The following ZNF682 variants were observed in gnomAD, a reference collection of about 807,000 sequenced individuals.
ZNF682 encodes the protein zinc finger protein 682.
A neutral mutation model predicts 36.5 loss-of-function variants in ZNF682; 29 were observed. The ratio of observed to expected loss-of-function variants is 0.80; its 90% CI spans 0.59 to 1.08. The LOEUF is 1.08. ZNF682 is among the 50% of genes least tolerant of loss of function. ZNF682 has a pLI of 0.00. For synonymous variants in ZNF682, 180 were observed against 197.0 expected, an observed-to-expected ratio of 0.91 and a Z score of 0.72; for missense variants, 561 against 579.7, an observed-to-expected ratio of 0.97 and a Z score of 0.33.
chr19:20,003,842 G>A (rs568778588), downstream of ZNF682, among the ~76,000 whole-genome samples: 3 of 152,132 alleles, frequency 2.0e-5, no homozygotes, highest in Non-Finnish European at 4.4e-5. Context: ...GGGAAAAATA[G>A]ATTTGCTTTG....
Position 20,005,612 on chromosome 19 carries a change from A to G in ZNF682, c.*393T>C, listed in dbSNP as rs980574001. 1 of 176,474 alleles carries G rather than the reference A, an allele frequency of 5.7e-6. No individual in the cohort carries two copies. Among genetic ancestry groups the G allele is most frequent in the African/African-American group, 2.4e-5 (1 of 41,950 alleles). The allele number at this position is 176,474 out of a possible 1,614,324, so 10.9% of individuals were successfully genotyped here. ...AACTCTTGTGTACTCTAAGGCTTAT[A>G]TTTTTGAAGTCTTTCCATGTACAAA... On this transcript the variant is annotated 3_prime_UTR_variant, in exon 4 of 4. Coordinates refer to ENST00000397165, the MANE Select transcript of ZNF682 (RefSeq NM_033196.3).
At chr19:20,029,762 A>T (rs1320917979) in intron 1 of ZNF682, among the ~76,000 whole-genome samples, 1 of 152,104 alleles carries the variant, frequency 6.6e-6, no homozygotes, top group Non-Finnish European at 1.5e-5. Context: ...CAACTGCTGG[A>T]TATGCAGGAA....
At chr19:20,000,498 AC>A (rs1424671030), downstream of ZNF682, among the ~76,000 whole-genome samples, 3 of 151,128 alleles carry the variant, frequency 2.0e-5, no homozygotes, top group Non-Finnish European at 2.9e-5. Context: ...GCCCCACACC[AC>A]CCCCCACTGC....
intron 1 of ZNF682, among the ~76,000 whole-genome samples, chr19:20,028,511 C>A (rs983165516): frequency 1.3e-5 from 2 of 152,150 alleles, no homozygotes; most frequent in East Asian, 3.9e-4. Context: ...CGTGCCCAGT[C>A]AATTCTGCAG....
chr19:20,017,720 T>A (rs772317668), intron 3 of ZNF682, among the ~76,000 whole-genome samples: 38 of 152,078 alleles, frequency 2.5e-4, no homozygotes, highest in Non-Finnish European at 4.7e-4. Flanking sequence ...AAGAGACACA[T>A]ACAGAACGTT....
At chr19:20,013,764 G>A (rs1351844775) in intron 3 of ZNF682, among the ~76,000 whole-genome samples, 2 of 152,252 alleles carry the variant, frequency 1.3e-5, no homozygotes, top group East Asian at 3.9e-4. Flanking sequence ...ATTGTTAGTA[G>A]AGATGGGGTC....
downstream of ZNF682, among the ~76,000 whole-genome samples, chr19:20,001,352 A>C (rs1428241850): frequency 2.0e-5 from 3 of 152,174 alleles, no homozygotes; most frequent in African/African-American, 7.2e-5. Context: ...GTGCTGTACC[A>C]AAAAAGGGGG....
downstream of ZNF682, among the ~76,000 whole-genome samples, chr19:20,003,359 T>G (rs1178173197): frequency 6.6e-6 from 1 of 152,060 alleles, no homozygotes; most frequent in Non-Finnish European, 1.5e-5. Flanking sequence ...TTGTAAAAAT[T>G]ATTCCAATAA....
At chr19:20,033,131 G>A (rs1288413270) in intron 1 of ZNF682, among the ~76,000 whole-genome samples, 2 of 152,090 alleles carry the variant, frequency 1.3e-5, no homozygotes, top group Non-Finnish European at 2.9e-5. Flanking sequence ...GCCAGGCGTT[G>A]TGGTGGGCAC....
Position 20,007,350 on chromosome 19 carries a change from C to G in ZNF682, c.227-75G>C, listed in dbSNP as rs2122305336. The stretch of plus-strand genomic sequence containing the variant: ...ATACATATACTTTACAAATCTAATA[C>G]AGAAAATTAAGAAAAGGACAGGATG... On this transcript the variant is annotated intron_variant, in intron 3 of 3. Transcript: ENST00000397165. The G allele has an allele frequency of 2.2e-6, 3 of 1,352,500 alleles. No individual in the cohort carries two copies. In the East Asian group the frequency reaches 7.5e-5, roughly 34 times the overall value. The allele number at this position is 1,352,500 out of a possible 1,614,324, so 83.8% of individuals were successfully genotyped here.
At chr19:20,018,541 T>C (rs2088357883) in intron 3 of ZNF682, among the ~76,000 whole-genome samples, 1 of 152,072 alleles carries the variant, frequency 6.6e-6, no homozygotes, top group South Asian at 2.1e-4. Flanking sequence ...AATAAATGGA[T>C]GATAAAACAA....
chr19:19,997,531 A>G (rs2088135175), intron 3 of ZNF682, among the ~76,000 whole-genome samples: 2 of 152,208 alleles, frequency 1.3e-5, no homozygotes, highest in South Asian at 4.1e-4. Flanking sequence ...GCTGAGATAG[A>G]GCGAAATGTG....
intron 3 of ZNF682, among the ~76,000 whole-genome samples, chr19:20,013,310 A>G (rs2088306793): frequency 1.3e-5 from 2 of 152,138 alleles, no homozygotes; most frequent in Non-Finnish European, 1.5e-5. Flanking sequence ...CATATATATT[A>G]TCATCAGGGT....
rs1324209236 is a variant in ZNF682, at chr19:20,007,099, G to A, written c.403C>T (p.Gln135Ter). 8.7e-6 allele frequency: 14 copies of A among 1,613,296 alleles called. No homozygotes were observed. Among genetic ancestry groups the A allele is most frequent in the East Asian group, 2.2e-5 (1 of 44,854 alleles). The change falls in exon 4 of 4, where the codon CAA (glutamine) becomes TAA (stop). Residue 135 changes from glutamine (Q) to a stop codon, truncating the protein, a stop_gained. Coordinates refer to ENST00000397165, the MANE Select transcript of ZNF682 (RefSeq NM_033196.3). LOFTEE classifies it low-confidence loss of function (END_TRUNC). ...DQKEIYNGLN[Q>*]CLSTLPSKIF... The stretch of plus-strand genomic sequence containing the variant: ...TTGCTAGGTAGAGTTGACAAACATT[G>A]GTTAAGTCCATTATAAATTTCTTTT...
chr19:20,007,575 T>C (rs1236129184), intron 3 of ZNF682: 2 of 297,778 alleles, frequency 6.7e-6, no homozygotes, highest in Non-Finnish European at 1.2e-5. Context: ...ACCAGTCTTA[T>C]GGAAGGGATA....
Position 20,013,579 on chromosome 19 carries a change from C to CT in ZNF682, c.227-6305dup, listed in dbSNP as rs539062111. ...AGGGCACAAAGCCATTCTTAGCAAA[C>CT]TTTTTTTTTTTTAATTTTGAGACTG... On this transcript the variant is annotated intron_variant, in intron 3 of 3. Coordinates refer to ENST00000397165, the MANE Select transcript of ZNF682 (RefSeq NM_033196.3). 8.5e-3 allele frequency among the ~76,000 whole-genome samples: 1,254 copies of CT among 147,830 alleles called. 7 individuals are homozygous for CT. Among genetic ancestry groups the CT allele is most frequent in the South Asian group, 0.015 (71 of 4,694 alleles).
At chr19:20,021,843 A>G (rs1440227487) in intron 3 of ZNF682, among the ~76,000 whole-genome samples, 1 of 152,230 alleles carries the variant, frequency 6.6e-6, no homozygotes, top group Admixed American at 6.5e-5. Flanking sequence ...TAACAAAATT[A>G]CTGAGTAGGA....
intron 1 of ZNF682, among the ~76,000 whole-genome samples, chr19:20,034,577 G>A (rs921931438): frequency 8.8e-5 from 13 of 147,392 alleles, no homozygotes; most frequent in Admixed American, 7.0e-4. Flanking sequence ...TTGGGAGTTC[G>A]AGACCAGCCT....
Position 20,006,175 on chromosome 19 carries a change from G to T in ZNF682, c.1327C>A (p.His443Asn), listed in dbSNP as rs1274279641. 3 of 1,613,018 alleles carry T rather than the reference G, an allele frequency of 1.9e-6. No homozygotes were observed. Among genetic ancestry groups the T allele is most frequent in the Non-Finnish European group, 2.5e-6 (3 of 1,179,204 alleles). ...AFNRCSHLTR[H>N]KKIHTAVKRY... ...TTGACGGCAGTATGAATTTTCTTAT[G>T]TCTAGTAAGGTGTGAGCACCGATTA... Residue 443 changes from histidine to asparagine, a missense_variant, in exon 4 of 4, where the codon CAT becomes AAT. Coordinates refer to ENST00000397165, the MANE Select transcript of ZNF682 (RefSeq NM_033196.3).
Sources: allele counts gnomAD v4.1 joint callset (sites outside exome capture counted in the v4.1 genomes callset), GRCh38; gene constraint gnomAD v4.1.1; transcripts MANE v1.5; gene names NCBI Gene and HGNC (gene_info 2026-07-23, HGNC 2026-07-21).